The following DDX50 variants were observed in gnomAD, a reference collection of about 807,000 sequenced individuals.
DDX50 encodes ATP-dependent RNA helicase DDX50.
DDX50 carries 56 observed loss-of-function variants against 94.8 expected under a neutral mutation model. The ratio of observed to expected loss-of-function variants is 0.59; its 90% CI spans 0.48 to 0.74. DDX50 has a LOEUF of 0.74. Ranked by LOEUF, DDX50 falls within the 30% of genes least tolerant of loss-of-function variation. The pLI is 0.00. For missense variants in DDX50, 713 were observed against 881.2 expected, an observed-to-expected ratio of 0.81 and a Z score of 2.42; for synonymous variants, 264 against 295.4, an observed-to-expected ratio of 0.89 and a Z score of 1.09.
chr10:68,913,602 A>G (rs781779964), intron 6 of DDX50, 26 bp downstream of exon 6: 1 of 1,575,942 alleles, frequency 6.3e-7, no homozygotes, highest in Non-Finnish European at 8.6e-7. Context: ...AAATAAGCAC[A>G]TTAGCAATTA....
intron 8 of DDX50, among the ~76,000 whole-genome samples, chr10:68,926,923 T>C (rs1391400721): frequency 5.9e-5 from 9 of 151,826 alleles, no homozygotes; most frequent in Non-Finnish European, 1.0e-4. Flanking sequence ...CCTGTGTTCT[T>C]TTTTTTTGAG....
chr10:68,939,683 C>T (rs1468438464), intron 12 of DDX50, among the ~76,000 whole-genome samples: 25 of 152,164 alleles, frequency 1.6e-4, no homozygotes, highest in Admixed American at 1.6e-3. Flanking sequence ...TTACTTCATT[C>T]TGGTCTCTGC....
intron 14 of DDX50, 66 bp from the exon 15 acceptor site, chr10:68,946,286 T>C (rs1842668841): frequency 1.3e-6 from 2 of 1,518,756 alleles, no homozygotes; most frequent in South Asian, 2.6e-5. Flanking sequence ...TGTCTTCTTG[T>C]ACTTAACATG....
chr10:68,946,753 G>A lies in DDX50; in HGVS notation c.*123G>A, dbSNP rs1041046266. 10 of 1,282,220 alleles carry A rather than the reference G, an allele frequency of 7.8e-6. No homozygotes were observed. Among genetic ancestry groups the A allele is most frequent in the African/African-American group, 3.0e-5 (2 of 66,984 alleles). The allele number at this position is 1,282,220 out of a possible 1,614,324, so 79.4% of individuals were successfully genotyped here. ...TCTGCTATTTGCAAAGAAGTTGGTCGTATTTTTTTAAAAAGTATTTCACAA... is the reference window on the plus strand; with the variant it reads ...TCTGCTATTTGCAAAGAAGTTGGTCATATTTTTTTAAAAAGTATTTCACAA... On this transcript the variant is annotated 3_prime_UTR_variant, in exon 15 of 15. Transcript: ENST00000373585.
chr10:68,901,595 C>G, intron 1 of DDX50, 124 bp downstream of exon 1: 1 of 1,018,014 alleles, frequency 9.8e-7, no homozygotes, highest in Non-Finnish European at 1.4e-6. Flanking sequence ...TCCCTTCGCG[C>G]CGCCCTCGGC....
chr10:68,929,300 TC>T (rs1198890746), intron 8 of DDX50, among the ~76,000 whole-genome samples: 5,433 of 89,324 alleles, frequency 0.061, 323 homozygotes, highest in African/African-American at 0.17. Context: ...TTCCTCTCTC[TC>T]TCTCTCTCTC....
At chr10:68,930,157 G>A (rs1842218386) in intron 8 of DDX50, among the ~76,000 whole-genome samples, 1 of 115,706 alleles carries the variant, frequency 8.6e-6, no homozygotes, top group Non-Finnish European at 1.6e-5. Flanking sequence ...CGCTCTTGTC[G>A]CCCAAGCTGG....
intron 8 of DDX50, among the ~76,000 whole-genome samples, chr10:68,927,360 T>C (rs1256415899): frequency 6.6e-6 from 1 of 152,252 alleles, no homozygotes; most frequent in Non-Finnish European, 1.5e-5. Context: ...TTTTCTTCTT[T>C]GGCTAACCTT....
intron 4 of DDX50, 100 bp downstream of exon 4, chr10:68,911,346 T>A: frequency 7.7e-7 from 1 of 1,297,744 alleles, no homozygotes. Context: ...AATAGAAAAG[T>A]TAGCGCTGTG....
At chr10:68,929,826 G>A (rs1163358837) in intron 8 of DDX50, among the ~76,000 whole-genome samples, 3 of 148,912 alleles carry the variant, frequency 2.0e-5, no homozygotes, top group African/African-American at 7.4e-5. Flanking sequence ...CTCTGCCCCC[G>A]GGTTCAAGTG....
intron 8 of DDX50, among the ~76,000 whole-genome samples, chr10:68,923,748 TG>T (rs1263379773): frequency 6.6e-6 from 1 of 151,658 alleles, no homozygotes; most frequent in African/African-American, 2.4e-5. Flanking sequence ...TTCACCATGT[TG>T]GGCAGGCTGG....
At chr10:68,921,018 G>A (rs894437959) in intron 8 of DDX50, among the ~76,000 whole-genome samples, 1 of 151,016 alleles carries the variant, frequency 6.6e-6, no homozygotes, top group Non-Finnish European at 1.5e-5. Context: ...ACAAAAGTTG[G>A]TAGAATCATG....
chr10:68,902,619 C>T (rs934241704), intron 1 of DDX50, among the ~76,000 whole-genome samples: 1 of 152,186 alleles, frequency 6.6e-6, no homozygotes, highest in African/African-American at 2.4e-5. Context: ...ACACTCACTT[C>T]TCATTCCTCT....
chr10:68,907,379 A>C (rs1460536789), intron 2 of DDX50, among the ~76,000 whole-genome samples: 1 of 146,968 alleles, frequency 6.8e-6, no homozygotes, highest in African/African-American at 2.5e-5. Flanking sequence ...GGAATGGCAC[A>C]ATCTCAGCTC....
At chr10:68,943,804 T>A (rs1443370468) in intron 14 of DDX50, among the ~76,000 whole-genome samples, 2 of 152,216 alleles carry the variant, frequency 1.3e-5, no homozygotes, top group Admixed American at 6.5e-5. Context: ...CTTGAACTCC[T>A]GGCCTCAAGT....
intron 12 of DDX50, 25 bp from the exon 13 acceptor site, chr10:68,941,035 C>G (rs1261482176): frequency 8.8e-6 from 14 of 1,592,198 alleles, no homozygotes; most frequent in Non-Finnish European, 1.2e-5. Context: ...TATTTCCAAA[C>G]ATAATGTGGT....
intron 1 of DDX50, among the ~76,000 whole-genome samples, chr10:68,903,976 A>G (rs956117500): frequency 1.4e-5 from 2 of 142,134 alleles, no homozygotes; most frequent in African/African-American, 5.3e-5. Flanking sequence ...ACTCCGTCTC[A>G]GAAAAAAAAA....
intron 8 of DDX50, among the ~76,000 whole-genome samples, chr10:68,931,382 TA>T (rs530913846): frequency 0.074 from 7,461 of 100,216 alleles, 340 homozygotes; most frequent in Middle Eastern, 0.13. Flanking sequence ...GACGGATCAT[TA>T]AAAAAAAAAA....
At chr10:68,910,834 T>G (rs763173506) in intron 3 of DDX50, among the ~76,000 whole-genome samples, 1 of 152,220 alleles carries the variant, frequency 6.6e-6, no homozygotes, top group Non-Finnish European at 1.5e-5. Context: ...TGCACTTACT[T>G]TTACATCATC....
Sources: allele counts gnomAD v4.1 joint callset (sites outside exome capture counted in the v4.1 genomes callset), GRCh38; gene constraint gnomAD v4.1.1; transcripts MANE v1.5; gene names NCBI Gene and HGNC (gene_info 2026-07-23, HGNC 2026-07-21).